Variants in INO80C observed in about 807,000 individuals in gnomAD.
The protein encoded by INO80C is INO80 complex subunit C.
In INO80C, 17 loss-of-function variants were observed where a neutral mutation model predicts 17.7. That is an observed-to-expected ratio of 0.96 (90% CI 0.66 to 1.44). The LOEUF is 1.44. Among genes scored for constraint, INO80C ranks in the 40% most tolerant of loss-of-function variants. The pLI, the probability that INO80C is intolerant of heterozygous loss-of-function variation, is 0.00. For synonymous variants in INO80C, 96 were observed against 95.8 expected (o/e 1.00, Z -0.01); for missense variants, 244 against 245.0 (o/e 1.00, Z 0.03).
chr18:35,497,564 A>G (rs1042779719), intron 1 of INO80C, 155 bp downstream of exon 1: 1 of 1,417,332 alleles, frequency 7.1e-7, no homozygotes, highest in East Asian at 2.7e-5. Context: ...AACGAAGGGA[A>G]AGAGTAGTCA....
At chr18:35,468,808 T>C in intron 4 of INO80C, 66 bp from the exon 5 acceptor site, 1 of 1,447,970 alleles carries the variant, frequency 6.9e-7, no homozygotes, top group Non-Finnish European at 9.6e-7. Context: ...TAAGTTCAAG[T>C]TTAAAAATTT....
chr18:35,489,474 A>T (rs1386012875), intron 1 of INO80C: 2 of 171,618 alleles, frequency 1.2e-5, no homozygotes, highest in Non-Finnish European at 2.5e-5. Flanking sequence ...AGGATTATTC[A>T]CTACCATGAG....
intron 4 of INO80C, among the ~76,000 whole-genome samples, chr18:35,470,274 A>AC (rs553517695): frequency 7.7e-4 from 117 of 151,734 alleles, no homozygotes; most frequent in Admixed American, 1.4e-3. Flanking sequence ...GCCACTGGGA[A>AC]CCCCCCCTAA....
chr18:35,475,169 G>A (rs981652102), intron 4 of INO80C, among the ~76,000 whole-genome samples: 11 of 152,148 alleles, frequency 7.2e-5, no homozygotes, highest in African/African-American at 2.4e-4. Flanking sequence ...AACAAAAGAC[G>A]AAGAGAAGAT....
At chr18:35,482,224 A>G (rs1004577461) in intron 1 of INO80C, among the ~76,000 whole-genome samples, 6 of 152,196 alleles carry the variant, frequency 3.9e-5, no homozygotes, top group African/African-American at 1.2e-4. Context: ...AAAAGTCATC[A>G]TGTTGTCATG....
chr18:35,494,945 A>T (rs555908065), intron 1 of INO80C, among the ~76,000 whole-genome samples: 4 of 152,354 alleles, frequency 2.6e-5, no homozygotes, highest in African/African-American at 9.6e-5. Flanking sequence ...CTGGGGATGG[A>T]ACAGAAACAG....
intron 1 of INO80C, among the ~76,000 whole-genome samples, chr18:35,485,401 G>T (rs1277020939): frequency 6.6e-6 from 1 of 152,098 alleles, no homozygotes. Context: ...AAAGGGCAAA[G>T]AATTTCTTCA....
rs777707802 is a variant in INO80C at position 35,468,658 on chromosome 18, C to T, written c.532G>A (p.Val178Ile). 7 of 1,613,892 alleles carry T rather than the reference C, an allele frequency of 4.3e-6. No homozygotes were observed. The highest frequency in any genetic ancestry group is 2.2e-5 in the East Asian group (1 of 44,890). The part of the protein sequence containing the change: ...SYIRRLPSDV[V>I]TGYLALRKAT... ...TTCCTCAGGGCCAGGTAGCCGGTGA[C>T]GACGTCAGAGGGCAGCCTCCGAATG... is the stretch of plus-strand genomic sequence containing the variant. Residue 178 changes from valine to isoleucine, a missense_variant, in exon 5 of 5, where the codon GTC (valine) becomes ATC (isoleucine). Val to Ile is a conservative substitution (Grantham distance 29). Transcript: ENST00000334598.
In INO80C at chr18:35,488,314, C is replaced by T. The variant is rs144992191; in HGVS notation, c.157-7751G>A. 6.7e-4 allele frequency among the ~76,000 whole-genome samples: 102 copies of T among 152,322 alleles called. 1 individual carries two copies. Among genetic ancestry groups the T allele is most frequent in the African/African-American group, 1.9e-3 (80 of 41,582 alleles). Reference sequence around the variant, plus strand: ...GTAGAGGTTCTCTGTAAGGGCCCTGCCCCTGCAGCAAACTTTGGCCTGGAC... The same window carrying T: ...GTAGAGGTTCTCTGTAAGGGCCCTGTCCCTGCAGCAAACTTTGGCCTGGAC... On this transcript the variant is annotated intron_variant, in intron 1 of 4. Coordinates refer to ENST00000334598, the MANE Select transcript of INO80C (RefSeq NM_194281.4).
chr18:35,491,295 G>C (rs1231603229), intron 1 of INO80C, among the ~76,000 whole-genome samples: 1 of 152,182 alleles, frequency 6.6e-6, no homozygotes, highest in Non-Finnish European at 1.5e-5. Flanking sequence ...AATGAAGAGA[G>C]GACCAGAGGT....
intron 1 of INO80C, among the ~76,000 whole-genome samples, chr18:35,485,330 A>G (rs1297780929): frequency 1.3e-5 from 2 of 152,226 alleles, no homozygotes; most frequent in East Asian, 3.8e-4. Context: ...CAGTATATAC[A>G]TAAATCCAGA....
chr18:35,471,934 A>C (rs1173334622), intron 4 of INO80C, among the ~76,000 whole-genome samples: 1 of 152,104 alleles, frequency 6.6e-6, no homozygotes, highest in Non-Finnish European at 1.5e-5. Flanking sequence ...ACATGAACTC[A>C]TCATTTTTTA....
chr18:35,471,657 G>C (rs2045671483), intron 4 of INO80C, among the ~76,000 whole-genome samples: 1 of 151,750 alleles, frequency 6.6e-6, no homozygotes, highest in African/African-American at 2.4e-5. Context: ...ACAATGTGCA[G>C]GTTTGTTACA....
chr18:35,494,473 T>C (rs2144093360), intron 1 of INO80C, among the ~76,000 whole-genome samples: 1 of 152,324 alleles, frequency 6.6e-6, no homozygotes, highest in East Asian at 1.9e-4. Context: ...GTCTGAAATA[T>C]CTGAAGCATG....
chr18:35,480,573 T>C lies in INO80C; in HGVS notation c.157-10A>G, dbSNP rs1170734185. On this transcript the variant is annotated splice_polypyrimidine_tract_variant and intron_variant, in intron 1 of 4. Coordinates refer to ENST00000334598, the MANE Select transcript of INO80C (RefSeq NM_194281.4). ...CTTCCATGCTGATACCCTTAAAACATAATAAAAATAGTTTGAAGAAGTCAG... is the reference window on the plus strand; with the variant it reads ...CTTCCATGCTGATACCCTTAAAACACAATAAAAATAGTTTGAAGAAGTCAG... 2.5e-6 allele frequency: 4 copies of C among 1,582,420 alleles called. No homozygotes were observed. The highest frequency in any genetic ancestry group is 1.7e-5 in the Admixed American group (1 of 59,944).
intron 2 of INO80C, among the ~76,000 whole-genome samples, chr18:35,480,165 A>G (rs1251714563): frequency 2.0e-5 from 3 of 152,202 alleles, no homozygotes; most frequent in African/African-American, 4.8e-5. Context: ...CTAAGATTGT[A>G]AGACCAATGA....
chr18:35,483,389 T>C (rs2045837166), intron 1 of INO80C: 1 of 152,210 alleles, frequency 6.6e-6, no homozygotes, highest in Non-Finnish European at 1.5e-5. Flanking sequence ...TAACATCTAG[T>C]ATATATTGTA....
intron 1 of INO80C, among the ~76,000 whole-genome samples, chr18:35,490,700 G>T (rs1042310089): frequency 6.6e-6 from 1 of 152,148 alleles, no homozygotes; most frequent in Non-Finnish European, 1.5e-5. Flanking sequence ...TCAGGCAGTG[G>T]AGTTCGCTTT....
intron 1 of INO80C, among the ~76,000 whole-genome samples, chr18:35,484,004 CT>C (rs1432366033): frequency 6.6e-6 from 1 of 152,168 alleles, no homozygotes; most frequent in Admixed American, 6.5e-5. Flanking sequence ...CACAAATTCA[CT>C]TGTGTTTCAA....
Sources: allele counts gnomAD v4.1 joint callset (sites outside exome capture counted in the v4.1 genomes callset), GRCh38; gene constraint gnomAD v4.1.1; transcripts MANE v1.5; gene names NCBI Gene and HGNC (gene_info 2026-07-23, HGNC 2026-07-21).